ATRN: variants seen among roughly 807,000 people sequenced by gnomAD.
The protein encoded by ATRN is attractin-2.
ATRN carries 54 observed loss-of-function variants against 178.7 expected under a neutral mutation model. The observed-to-expected ratio is 0.30, with a 90% confidence interval of 0.24 to 0.38. The LOEUF is 0.38. ATRN is among the 10% of genes least tolerant of loss of function. The pLI, the probability that ATRN is intolerant of heterozygous loss-of-function variation, is 1.00. For missense variants in ATRN, 1,443 were observed against 1,815.1 expected, an observed-to-expected ratio of 0.79 and a Z score of 3.73; for synonymous variants, 636 against 663.0, an observed-to-expected ratio of 0.96 and a Z score of 0.63.
At chr20:3,504,188 G>A (rs184496921) in intron 1 of ATRN, among the ~76,000 whole-genome samples, 36 of 152,232 alleles carry the variant, frequency 2.4e-4, no homozygotes, top group Admixed American at 2.1e-3. Flanking sequence ...GTGAAATTGT[G>A]CCTCAGGAAC....
At chr20:3,536,982 T>C (rs1012877403) in intron 2 of ATRN, among the ~76,000 whole-genome samples, 4 of 152,216 alleles carry the variant, frequency 2.6e-5, no homozygotes, top group Admixed American at 6.5e-5. Flanking sequence ...TTAAAATCCA[T>C]TGGTTTTCTT....
chr20:3,506,552 A>C (rs929512124), intron 1 of ATRN, among the ~76,000 whole-genome samples: 1 of 151,284 alleles, frequency 6.6e-6, no homozygotes, highest in Non-Finnish European at 1.5e-5. Flanking sequence ...TGAACCGAGG[A>C]GGCGGAGGCT....
intron 1 of ATRN, among the ~76,000 whole-genome samples, chr20:3,512,574 G>T (rs2085150317): frequency 6.6e-6 from 1 of 152,140 alleles, no homozygotes; most frequent in African/African-American, 2.4e-5. Context: ...ACATACGTGT[G>T]CATGTGTCTT....
intron 11 of ATRN, among the ~76,000 whole-genome samples, chr20:3,572,384 A>G (rs1247302333): frequency 6.6e-6 from 1 of 152,204 alleles, no homozygotes; most frequent in African/African-American, 2.4e-5. Context: ...TATTGGAACT[A>G]TTCTGGGTGT....
chr20:3,571,314 C>T (rs1183643980), intron 11 of ATRN, among the ~76,000 whole-genome samples: 1 of 152,206 alleles, frequency 6.6e-6, no homozygotes, highest in Non-Finnish European at 1.5e-5. Flanking sequence ...AAAAAATTTG[C>T]CCTCTGGCAT....
At position 3,591,769 on chromosome 20, in the gene ATRN, A is replaced by AT. The variant is rs568533874; in HGVS notation, c.3322+463_3322+464insT. ...ACTGGGAAAGTCCTGGGTTGGAGTC[A>AT]GAGTTAGGAAAGTGTCTTCTGAATT... On this transcript the variant is annotated intron_variant, in intron 19 of 28. Coordinates refer to ENST00000262919, the MANE Select transcript of ATRN (RefSeq NM_139321.3). 1.0e-3 allele frequency among the ~76,000 whole-genome samples: 156 copies of AT among 152,316 alleles called. 1 individual carries two copies. Among genetic ancestry groups the AT allele is most frequent in the South Asian group, 2.3e-3 (11 of 4,820 alleles).
chr20:3,616,873 A>G (rs928208442), intron 24 of ATRN, among the ~76,000 whole-genome samples: 6 of 152,046 alleles, frequency 3.9e-5, no homozygotes, highest in Non-Finnish European at 8.8e-5. Context: ...TCCCATAGCA[A>G]CTTCCTTTCC....
Position 3,630,964 on chromosome 20 carries a change from T to TTTTTTTTTTTTTTTTTG in ATRN, c.3864-3347_3864-3346insTTTTTTTTTTTTTTTTG, listed in dbSNP as rs1307722255. ...TTTTTTTTTTTTTTTTTTTTTTTTT[T>TTTTTTTTTTTTTTTTTG]GGGATAGGGTCTCTGTTGCCCAGGC... On this transcript the variant is annotated intron_variant, in intron 25 of 28. Transcript: ENST00000262919. Among the ~76,000 whole-genome samples the TTTTTTTTTTTTTTTTTG allele has an allele frequency of 1.5e-4, 11 of 73,430 alleles. 5 individuals carry two copies. Among genetic ancestry groups the TTTTTTTTTTTTTTTTTG allele is most frequent in the Non-Finnish European group, 2.8e-4 (11 of 39,838 alleles). The allele number at this position is 73,430 out of a possible 152,430, so 48.2% of individuals were successfully genotyped here. A position where few individuals can be genotyped will look rare whatever the true frequency, so the allele number is the denominator to read the frequency against.
intron 1 of ATRN, among the ~76,000 whole-genome samples, chr20:3,520,441 G>C (rs948565252): frequency 3.9e-5 from 6 of 152,182 alleles, no homozygotes; most frequent in Admixed American, 3.9e-4. Context: ...TGATAAGATG[G>C]AAAAGTTCAG....
At chr20:3,533,848 G>A (rs572725641) in intron 1 of ATRN, among the ~76,000 whole-genome samples, 17 of 152,050 alleles carry the variant, frequency 1.1e-4, no homozygotes, top group Non-Finnish European at 2.4e-4. Flanking sequence ...ATAGATATGA[G>A]GGTGTTGCTG....
At chr20:3,635,535 G>A (rs1271674855) in intron 26 of ATRN, among the ~76,000 whole-genome samples, 6 of 152,250 alleles carry the variant, frequency 3.9e-5, no homozygotes, top group Admixed American at 3.9e-4. Flanking sequence ...ATGCTCACGT[G>A]TATATAAGAT....
At chr20:3,529,068 C>A (rs1441220273) in intron 1 of ATRN, among the ~76,000 whole-genome samples, 1 of 152,106 alleles carries the variant, frequency 6.6e-6, no homozygotes, top group Non-Finnish European at 1.5e-5. Flanking sequence ...CCTGCCTTGG[C>A]CTCCCAAAGT....
intron 1 of ATRN, among the ~76,000 whole-genome samples, chr20:3,472,597 G>C (rs929704230): frequency 3.3e-5 from 5 of 152,182 alleles, no homozygotes; most frequent in African/African-American, 1.2e-4. Flanking sequence ...TAAAAACAGC[G>C]TGGTCTGATA....
At chr20:3,479,463 GAA>G (rs1391945897) in intron 1 of ATRN, among the ~76,000 whole-genome samples, 1 of 152,222 alleles carries the variant, frequency 6.6e-6, no homozygotes, top group Non-Finnish European at 1.5e-5. Flanking sequence ...AGACATCACA[GAA>G]GAGAGGACAT....
Position 3,638,196 on chromosome 20 carries a change from G to A in ATRN, c.3943-632G>A, listed in dbSNP as rs1277166786. 6.6e-6 allele frequency among the ~76,000 whole-genome samples: 1 copy of A among 152,094 alleles called. No individual in the cohort carries two copies. ...TTTGTTACATAGGTATACATGTGCC[G>A]TGGTGGTTTGCCGCACCTATCAGCC... On this transcript the variant is annotated intron_variant, in intron 26 of 28. Transcript: ENST00000262919. The surrounding 1 kb of genome is among the most constrained non-coding windows in gnomAD (Gnocchi z 4.5).
intron 12 of ATRN, among the ~76,000 whole-genome samples, chr20:3,573,851 A>G (rs1050650755): frequency 6.6e-6 from 1 of 151,346 alleles, no homozygotes; most frequent in Non-Finnish European, 1.5e-5. Flanking sequence ...TACAACCTCC[A>G]CCTCCCAGGT....
chr20:3,645,455 T>C lies in ATRN; in HGVS notation c.4165+1187T>C, dbSNP rs964677445. 6.6e-6 allele frequency among the ~76,000 whole-genome samples: 1 copy of C among 152,198 alleles called. No homozygotes were observed. The highest frequency in any genetic ancestry group is 6.5e-5 in the Admixed American group (1 of 15,288). ...TCTCTCGTCTGTCACTCAAGTGCAG[T>C]TTGTGTCTCCTGCCACCGCCCAGCC... On this transcript the variant is annotated intron_variant, in intron 28 of 28. Coordinates refer to ENST00000262919, the MANE Select transcript of ATRN (RefSeq NM_139321.3). The surrounding 1 kb of genome is among the most constrained non-coding windows in gnomAD (Gnocchi z 4.7).
intron 1 of ATRN, among the ~76,000 whole-genome samples, chr20:3,528,187 G>T (rs983038836): frequency 1.6e-4 from 24 of 151,920 alleles, no homozygotes; most frequent in Non-Finnish European, 2.4e-4. Context: ...GGCCAAGATG[G>T]TGAAACCCCG....
chr20:3,541,372 C>T (rs1361457004), intron 3 of ATRN, among the ~76,000 whole-genome samples: 16 of 152,260 alleles, frequency 1.1e-4, no homozygotes, highest in South Asian at 8.3e-4. Context: ...CCACCGCGCC[C>T]GGCCTAGAGG....
Sources: gnomAD v4.1 joint callset for allele counts (sites outside exome capture counted in the v4.1 genomes callset) on GRCh38, gnomAD v4.1.1 for gene constraint, Gnocchi (gnomAD v3.1) non-coding constraint, MANE v1.5 for transcripts, NCBI Gene and HGNC (gene_info 2026-07-23, HGNC 2026-07-21) for gene names.